RALGPS2: variants seen among roughly 807,000 people sequenced by gnomAD.
The protein encoded by RALGPS2 is ras-specific guanine nucleotide-releasing factor RalGPS2.
A neutral mutation model predicts 86.8 loss-of-function variants in RALGPS2; 43 were observed. The ratio of observed to expected loss-of-function variants is 0.50; its 90% CI spans 0.39 to 0.64. The LOEUF is 0.64. Ranked by LOEUF, RALGPS2 falls within the 30% of genes least tolerant of loss-of-function variation. RALGPS2 has a pLI of 0.00. For missense variants in RALGPS2, 536 were observed against 694.6 expected, an observed-to-expected ratio of 0.77 and a Z score of 2.57; for synonymous variants, 243 against 231.3, an observed-to-expected ratio of 1.05 and a Z score of -0.46.
intron 4 of RALGPS2, among the ~76,000 whole-genome samples, chr1:178,792,485 C>T (rs770667437): frequency 1.3e-5 from 2 of 152,154 alleles, no homozygotes; most frequent in Non-Finnish European, 2.9e-5. Context: ...TGCTATTACA[C>T]GGCTGCAGCT....
chr1:178,751,213 G>C (rs185897142), intron 1 of RALGPS2, among the ~76,000 whole-genome samples: 1 of 151,656 alleles, frequency 6.6e-6, no homozygotes, highest in African/African-American at 2.4e-5. Flanking sequence ...AATTTCTTCC[G>C]TTCTTGTGGC....
chr1:178,768,481 T>C (rs1652622006), intron 1 of RALGPS2, among the ~76,000 whole-genome samples: 1 of 152,138 alleles, frequency 6.6e-6, no homozygotes, highest in South Asian at 2.1e-4. Flanking sequence ...TGTTGGCAGG[T>C]TTTTAATTGG....
intron 1 of RALGPS2, among the ~76,000 whole-genome samples, chr1:178,772,442 A>C (rs1381009463): frequency 6.6e-6 from 1 of 152,214 alleles, no homozygotes; most frequent in Non-Finnish European, 1.5e-5. Flanking sequence ...ATTTTGGGTC[A>C]GGTATCTTAG....
In RALGPS2 at chr1:178,903,424, T is replaced by C. The variant is rs184701858; in HGVS notation, c.1630+1213T>C. Among the ~76,000 whole-genome samples, 1,308 of 152,202 alleles carry C rather than the reference T, an allele frequency of 8.6e-3. 17 individuals carry two copies. Among genetic ancestry groups the C allele is most frequent in the African/African-American group, 0.029 (1,211 of 41,524 alleles). On this transcript the variant is annotated intron_variant, in intron 18 of 19. Coordinates refer to ENST00000367635, the MANE Select transcript of RALGPS2 (RefSeq NM_152663.5). ...ACATGAGTAAGTTGTTTAGTGGTGA[T>C]TTGTGAGATTTTGGTGCACCCATCA...
chr1:178,741,815 T>TA (rs1454786638), intron 1 of RALGPS2, among the ~76,000 whole-genome samples: 2 of 152,102 alleles, frequency 1.3e-5, no homozygotes, highest in African/African-American at 4.8e-5. Flanking sequence ...AATAATCACA[T>TA]AAAATCTAGA....
At chr1:178,740,009 G>T (rs1015513552) in intron 1 of RALGPS2, among the ~76,000 whole-genome samples, 6 of 152,106 alleles carry the variant, frequency 3.9e-5, no homozygotes, top group African/African-American at 1.4e-4. Flanking sequence ...GATAATAGTG[G>T]GTTTTCCTCC....
At chr1:178,809,409 A>G (rs1045619974) in intron 5 of RALGPS2, among the ~76,000 whole-genome samples, 1 of 152,010 alleles carries the variant, frequency 6.6e-6, no homozygotes, top group Non-Finnish European at 1.5e-5. Context: ...GAGATAGGAA[A>G]TCCTCCAAGG....
In RALGPS2 at chr1:178,918,325, TC is replaced by T. The variant is rs1285069185; in HGVS notation, c.*1967del. ...AATTTCTTAATTTGTTTATTTCTCT[TC>T]AGAAATAGCGTTTTTAACAGTGTAT... On this transcript the variant is annotated 3_prime_UTR_variant, in exon 20 of 20. Transcript: ENST00000367635. 1 of 152,196 alleles carries T rather than the reference TC, an allele frequency of 6.6e-6. No individual in the cohort carries two copies. The highest frequency in any genetic ancestry group is 1.5e-5 in the Non-Finnish European group (1 of 68,004). The allele number at this position is 152,196 out of a possible 1,614,324, so 9.4% of individuals were successfully genotyped here.
rs1399511689 is a variant in RALGPS2 at position 178,827,386 on chromosome 1, T to G, written c.480+5682T>G. The stretch of plus-strand genomic sequence containing the variant: ...AACAACAAAGCTAGAGACATCATAC[T>G]CTCTGATTTTTTTTTTTTTTTTTTT... On this transcript the variant is annotated intron_variant, in intron 7 of 19. Transcript: ENST00000367635. Among the ~76,000 whole-genome samples the G allele has an allele frequency of 4.0e-5, 6 of 148,578 alleles. No homozygotes were observed. The East Asian group carries it at 7.8e-4, about 19-fold the overall frequency.
chr1:178,746,727 C>T, intron 1 of RALGPS2: 1 of 780,232 alleles, frequency 1.3e-6, no homozygotes, highest in East Asian at 2.4e-5. Flanking sequence ...CGTTCATTCT[C>T]ATTTAGCCTC....
At chr1:178,817,692 T>A (rs935689916) in intron 6 of RALGPS2, among the ~76,000 whole-genome samples, 1 of 152,244 alleles carries the variant, frequency 6.6e-6, no homozygotes, top group Non-Finnish European at 1.5e-5. Context: ...TTTATTGAAT[T>A]TATAGATCAC....
At chr1:178,891,853 C>G (rs766323411) in intron 14 of RALGPS2, among the ~76,000 whole-genome samples, 13 of 151,812 alleles carry the variant, frequency 8.6e-5, no homozygotes, top group Non-Finnish European at 1.8e-4. Flanking sequence ...ATCCGGGCAT[C>G]ATATTTAAAC....
intron 19 of RALGPS2, among the ~76,000 whole-genome samples, chr1:178,911,720 G>A (rs935802579): frequency 1.3e-5 from 2 of 152,196 alleles, no homozygotes; most frequent in South Asian, 2.1e-4. Flanking sequence ...GTAGATGTCT[G>A]TTGGGTCTAG....
At chr1:178,827,631 G>A (rs1158699957) in intron 7 of RALGPS2, among the ~76,000 whole-genome samples, 3 of 151,926 alleles carry the variant, frequency 2.0e-5, no homozygotes, top group South Asian at 2.1e-4. Flanking sequence ...TCCTGACCTC[G>A]TGATCCGCCC....
rs117107198 is a variant in RALGPS2, at chr1:178,731,663, G to C, written c.-84+6244G>C. Among the ~76,000 whole-genome samples, 5 of 152,168 alleles carry C rather than the reference G, an allele frequency of 3.3e-5. No homozygotes were observed. The East Asian group carries it at 9.6e-4, about 29-fold the overall frequency. ...TCCTTCATATGTGACCTGGCCCTAC[G>C]ATCTTTTGTCTTCAGTATATCTGCT... On this transcript the variant is annotated intron_variant, in intron 1 of 19. Transcript: ENST00000367635.
intron 10 of RALGPS2, among the ~76,000 whole-genome samples, chr1:178,882,092 G>A (rs557717860): frequency 2.6e-5 from 4 of 152,266 alleles, no homozygotes; most frequent in Non-Finnish European, 5.9e-5. Context: ...GTGGTGCTTT[G>A]ACGATGTTGT....
chr1:178,807,049 G>A (rs1039984548), intron 4 of RALGPS2, among the ~76,000 whole-genome samples: 18 of 152,146 alleles, frequency 1.2e-4, no homozygotes, highest in African/African-American at 3.4e-4. Flanking sequence ...AAATACTACC[G>A]TATCTGGGTG....
chr1:178,740,997 C>T (rs545371858), intron 1 of RALGPS2, among the ~76,000 whole-genome samples: 6 of 152,180 alleles, frequency 3.9e-5, no homozygotes, highest in Admixed American at 6.5e-5. Context: ...CAATGCTAAG[C>T]GTATAACAGA....
At chr1:178,745,600 T>A (rs1056575771) in intron 1 of RALGPS2, among the ~76,000 whole-genome samples, 3 of 152,168 alleles carry the variant, frequency 2.0e-5, no homozygotes, top group Non-Finnish European at 4.4e-5. Context: ...TCAGTCTGTA[T>A]CTTGCACTGT....
Sources: allele counts gnomAD v4.1 joint callset (sites outside exome capture counted in the v4.1 genomes callset), GRCh38; gene constraint gnomAD v4.1.1; transcripts MANE v1.5; gene names NCBI Gene and HGNC (gene_info 2026-07-23, HGNC 2026-07-21).